The following PAK5 variants were observed in gnomAD, a reference collection of about 807,000 sequenced individuals.
The protein encoded by PAK5 is serine/threonine-protein kinase PAK 5.
In PAK5, 16 loss-of-function variants were observed where a neutral mutation model predicts 65.9. The ratio of observed to expected loss-of-function variants is 0.24; its 90% CI spans 0.16 to 0.37. PAK5 has a LOEUF of 0.37. Among genes scored for constraint, PAK5 ranks in the 10% least tolerant of loss-of-function variants. The pLI is 1.00. For missense variants in PAK5, 785 were observed against 903.9 expected (o/e 0.87, Z 1.69); for synonymous variants, 371 against 354.9 (o/e 1.05, Z -0.51).
At position 9,766,522 on chromosome 20, in the gene PAK5, A is replaced by AATATAT. The variant is rs74209304; in HGVS notation, c.-161-55093_-161-55088dup. Among the ~76,000 whole-genome samples the AATATAT allele has an allele frequency of 1.0e-3, 36 of 34,800 alleles. 6 individuals carry two copies. The highest frequency in any genetic ancestry group is 1.4e-3 in the Non-Finnish European group (28 of 19,560). 22.8% of individuals were successfully genotyped at this position (34,800 alleles called of 152,430 possible). On this transcript the variant is annotated intron_variant, in intron 1 of 9. Coordinates refer to ENST00000353224, the MANE Select transcript of PAK5 (RefSeq NM_177990.4). ...TATATATATATATATATTCAAGCAG[A>AATATAT]ATATATATATATATATATATATATA...
chr20:9,801,633 C>G (rs6056896), intron 1 of PAK5, among the ~76,000 whole-genome samples: 90,783 of 150,870 alleles, frequency 0.6, 27,486 homozygotes, highest in African/African-American at 0.68. Flanking sequence ...ATTTCTGTCA[C>G]GAAGAAAAAC....
chr20:9,717,441 C>G (rs553973710), intron 1 of PAK5, among the ~76,000 whole-genome samples: 1 of 152,242 alleles, frequency 6.6e-6, no homozygotes, highest in East Asian at 1.9e-4. Flanking sequence ...AGTACAAAAC[C>G]ATTCCAAGCA....
intron 1 of PAK5, among the ~76,000 whole-genome samples, chr20:9,789,085 A>C (rs956490399): frequency 2.6e-5 from 4 of 152,200 alleles, no homozygotes; most frequent in Non-Finnish European, 4.4e-5. Context: ...GGAAGTTCTC[A>C]GTATGCCATT....
At chr20:9,565,234 T>A (rs1236242992) in intron 5 of PAK5, among the ~76,000 whole-genome samples, 2 of 151,984 alleles carry the variant, frequency 1.3e-5, no homozygotes, top group Non-Finnish European at 2.9e-5. Context: ...ACAAAAGAAA[T>A]TTGTAAACAG....
intron 2 of PAK5, among the ~76,000 whole-genome samples, chr20:9,699,161 G>T (rs1202210022): frequency 6.6e-6 from 1 of 152,046 alleles, no homozygotes; most frequent in Non-Finnish European, 1.5e-5. Flanking sequence ...GCTGCAATAA[G>T]CCACCACTAT....
intron 2 of PAK5, among the ~76,000 whole-genome samples, chr20:9,690,770 T>C (rs2047784828): frequency 7.7e-6 from 1 of 129,928 alleles, no homozygotes; most frequent in African/African-American, 3.6e-5. Flanking sequence ...TTTTTTTTTT[T>C]TGAGAAGGAG....
chr20:9,799,263 T>C (rs1157393653), intron 1 of PAK5, among the ~76,000 whole-genome samples: 1 of 152,182 alleles, frequency 6.6e-6, no homozygotes, highest in East Asian at 1.9e-4. Flanking sequence ...CACTGTAATG[T>C]ATGCTTACCC....
intron 1 of PAK5, among the ~76,000 whole-genome samples, chr20:9,821,445 G>A (rs778082354): frequency 1.3e-5 from 2 of 152,134 alleles, no homozygotes; most frequent in African/African-American, 2.4e-5. Context: ...GGTTAACTGT[G>A]ATTATTTTCA....
At chr20:9,679,808 G>A (rs2047625397) in intron 2 of PAK5, among the ~76,000 whole-genome samples, 1 of 152,224 alleles carries the variant, frequency 6.6e-6, no homozygotes, top group African/African-American at 2.4e-5. Flanking sequence ...ATGTCTTCAT[G>A]TAATAAACAG....
chr20:9,644,286 A>G lies in PAK5; in HGVS notation c.43T>C (p.Ser15Pro). 1 of 1,607,142 alleles carries G rather than the reference A, an allele frequency of 6.2e-7. No homozygotes were observed. Among genetic ancestry groups the G allele is most frequent in the Non-Finnish European group, 8.5e-7 (1 of 1,178,072 alleles). The change falls in exon 3 of 10, where the codon TCC becomes CCC. Residue 15 changes from serine to proline, a missense_variant. This residue lies in a region of PAK5 where 71 missense variants were observed against 110.2 expected (regional missense o/e 0.64). Transcript: ENST00000353224. ...GTATGAACCCTGTGTTCAAAGTTGG[A>G]CGGGCCAGATATTTCAATCTTTTTC... ...KKKKIEISGP[S>P]NFEHRVHTGF...
chr20:9,608,360 A>G (rs561012980), intron 3 of PAK5, among the ~76,000 whole-genome samples: 1 of 152,356 alleles, frequency 6.6e-6, no homozygotes, highest in African/African-American at 2.4e-5. Context: ...ATTTGAGATT[A>G]TTTGAAATAA....
intron 2 of PAK5, among the ~76,000 whole-genome samples, chr20:9,703,746 T>TC (rs80042434): frequency 3.3e-5 from 5 of 151,398 alleles, no homozygotes; most frequent in African/African-American, 7.3e-5. Flanking sequence ...ACAACATATA[T>TC]CCCCCCCTCC....
At chr20:9,730,823 C>A (rs1367004778) in intron 1 of PAK5, among the ~76,000 whole-genome samples, 1 of 152,214 alleles carries the variant, frequency 6.6e-6, no homozygotes. Context: ...AACCCTTGAT[C>A]TATTATATAA....
intron 7 of PAK5, among the ~76,000 whole-genome samples, chr20:9,548,198 A>G (rs2045373368): frequency 6.6e-6 from 1 of 152,080 alleles, no homozygotes; most frequent in Non-Finnish European, 1.5e-5. Flanking sequence ...CCAGGGCTAA[A>G]ACCCAGAAAG....
chr20:9,723,077 G>A lies in PAK5; in HGVS notation c.-161-11642C>T, dbSNP rs535168280. On this transcript the variant is annotated intron_variant, in intron 1 of 9. Coordinates refer to ENST00000353224, the MANE Select transcript of PAK5 (RefSeq NM_177990.4). ...GTCTTACAATAAAGTCCAATAAAAC[G>A]AGGAAGCCATTGACGAGCGTGGAGC... Among the ~76,000 whole-genome samples, 54 of 152,288 alleles carry A rather than the reference G, an allele frequency of 3.5e-4. 1 individual carries two copies. In the South Asian group the frequency reaches 0.011, roughly 31 times the overall value.
intron 1 of PAK5, among the ~76,000 whole-genome samples, chr20:9,722,707 G>T (rs1187529042): frequency 6.6e-6 from 1 of 151,968 alleles, no homozygotes; most frequent in Non-Finnish European, 1.5e-5. Flanking sequence ...TAAATATTTT[G>T]GATTTTATTG....
chr20:9,543,925 T>C (rs1418722509), intron 8 of PAK5, among the ~76,000 whole-genome samples: 1 of 152,152 alleles, frequency 6.6e-6, no homozygotes, highest in East Asian at 1.9e-4. Flanking sequence ...TCCTTCACTG[T>C]GAGATGTAAA....
chr20:9,698,198 T>C (rs954890937), intron 2 of PAK5, among the ~76,000 whole-genome samples: 4 of 152,110 alleles, frequency 2.6e-5, no homozygotes, highest in Non-Finnish European at 1.5e-5. Context: ...CTCAACTATA[T>C]ACTCTTTTTC....
intron 3 of PAK5, among the ~76,000 whole-genome samples, chr20:9,630,859 C>G (rs755780493): frequency 6.6e-6 from 1 of 152,138 alleles, no homozygotes; most frequent in Non-Finnish European, 1.5e-5. Flanking sequence ...TTGCCCTCAC[C>G]CTGCCCCCAT....
Sources: gnomAD v4.1 joint callset for allele counts (sites outside exome capture counted in the v4.1 genomes callset) on GRCh38, gnomAD v4.1.1 for gene constraint, gnomAD v4.1.1 regional missense constraint, MANE v1.5 for transcripts, NCBI Gene and HGNC (gene_info 2026-07-23, HGNC 2026-07-21) for gene names.